The following TXNRD1 variants were observed in gnomAD, a reference collection of about 807,000 sequenced individuals.
TXNRD1 encodes thioredoxin reductase 1, also known as thioredoxin reductase 1, cytoplasmic.
TXNRD1 carries 57 observed loss-of-function variants against 80.3 expected under a neutral mutation model. The ratio of observed to expected loss-of-function variants is 0.71; its 90% CI spans 0.57 to 0.89. The LOEUF (loss-of-function observed/expected upper bound fraction) is 0.89, where lower values mean the gene tolerates loss of function less well. Among genes scored for constraint, TXNRD1 ranks in the 40% least tolerant of loss-of-function variants. The pLI is 0.00. For missense variants in TXNRD1, 730 were observed against 803.0 expected (o/e 0.91, Z 1.10); for synonymous variants, 291 against 285.2 (o/e 1.02, Z -0.20).
In TXNRD1 at chr12:104,287,563, A is replaced by G. The variant is rs991698429; in HGVS notation, c.305-1368A>G. 1.5e-5 allele frequency: 22 copies of G among 1,504,368 alleles called. 2 individuals carry two copies. The South Asian group carries it at 2.2e-4, about 15-fold the overall frequency. The allele number at this position is 1,504,368 out of a possible 1,614,324, so 93.2% of individuals were successfully genotyped here. On this transcript the variant is annotated intron_variant, in intron 3 of 16. Transcript: ENST00000525566. Reference sequence around the variant, plus strand: ...ATGCTTCTCTAGGAATTTTCACACCATTTAATCCTCAGAAATCCTGAGACG... The same window carrying G: ...ATGCTTCTCTAGGAATTTTCACACCGTTTAATCCTCAGAAATCCTGAGACG...
chr12:104,319,971 T>A (rs2035470507), intron 9 of TXNRD1, among the ~76,000 whole-genome samples: 1 of 152,188 alleles, frequency 6.6e-6, no homozygotes, highest in South Asian at 2.1e-4. Flanking sequence ...AAAATGAGGA[T>A]CATGTATTAC....
At chr12:104,248,429 C>T (rs2033038611) in intron 1 of TXNRD1, among the ~76,000 whole-genome samples, 1 of 152,102 alleles carries the variant, frequency 6.6e-6, no homozygotes, top group African/African-American at 2.4e-5. Context: ...GGATTACAGG[C>T]GCGTGCCACA....
At chr12:104,248,207 C>T (rs11111949) in intron 1 of TXNRD1, among the ~76,000 whole-genome samples, 7,435 of 152,136 alleles carry the variant, frequency 0.049, 483 homozygotes, top group African/African-American at 0.15. Flanking sequence ...TACCAGTGAA[C>T]ATTTAAAGTA....
At chr12:104,272,520 C>A (rs1215299540) in intron 3 of TXNRD1, among the ~76,000 whole-genome samples, 1 of 152,112 alleles carries the variant, frequency 6.6e-6, no homozygotes, top group Non-Finnish European at 1.5e-5. Context: ...AAAGTCCCGG[C>A]GCTGTGGCTC....
At chr12:104,245,280 G>T (rs548670435) in intron 1 of TXNRD1, among the ~76,000 whole-genome samples, 1 of 151,624 alleles carries the variant, frequency 6.6e-6, no homozygotes, top group Non-Finnish European at 1.5e-5. Flanking sequence ...GGGAGGCTGC[G>T]GCAGGCGGGT....
chr12:104,274,698 CAA>C (rs1225118527), intron 3 of TXNRD1, among the ~76,000 whole-genome samples: 1 of 135,430 alleles, frequency 7.4e-6, no homozygotes. Flanking sequence ...GACTCCATCT[CAA>C]AAAAAAAAAA....
At chr12:104,257,654 C>T (rs976136434) in intron 2 of TXNRD1, among the ~76,000 whole-genome samples, 9 of 152,128 alleles carry the variant, frequency 5.9e-5, no homozygotes, top group South Asian at 2.1e-4. Context: ...GGTGATCCAC[C>T]CGTCTCAGCC....
chr12:104,250,195 A>G (rs2033089626), intron 1 of TXNRD1, among the ~76,000 whole-genome samples: 1 of 152,176 alleles, frequency 6.6e-6, no homozygotes, highest in Admixed American at 6.5e-5. Context: ...CTGAGACAGC[A>G]GGTTATCCAC....
chr12:104,276,518 C>T (rs2033761298), intron 3 of TXNRD1: 1 of 152,206 alleles, frequency 6.6e-6, no homozygotes, highest in African/African-American at 2.4e-5. Flanking sequence ...GCAAATACTA[C>T]AAATCAGGGC....
In TXNRD1 at chr12:104,318,970, A is replaced by G. The variant is rs2135825517; in HGVS notation, c.788A>G (p.Asn263Ser). 3 of 1,613,986 alleles carry G rather than the reference A, an allele frequency of 1.9e-6. No homozygotes were observed. Among genetic ancestry groups the G allele is most frequent in the Non-Finnish European group, 2.5e-6 (3 of 1,179,876 alleles). Residue 263 changes from asparagine to serine, a missense_variant, in exon 8 of 17, where the codon AAT (asparagine) becomes AGT (serine). Physicochemically the swap from Asn to Ser is conservative, Grantham distance 46. Coordinates refer to ENST00000525566, the MANE Select transcript of TXNRD1 (RefSeq NM_001093771.3). ...GTACAGAATCACATTGGCTCTTTGA[A>G]TTGGGGCTACCGAGTAGCTCTGCGG... ...EAVQNHIGSL[N>S]WGYRVALREK...
rs566432551 is a variant in TXNRD1 at position 104,260,660 on chromosome 12, T to A, written c.304+2581T>A. Among the ~76,000 whole-genome samples the A allele has an allele frequency of 9.2e-5, 14 of 152,324 alleles. 1 individual carries two copies. Among genetic ancestry groups the A allele is most frequent in the African/African-American group, 3.4e-4 (14 of 41,578 alleles). On this transcript the variant is annotated intron_variant, in intron 3 of 16. Coordinates refer to ENST00000525566, the MANE Select transcript of TXNRD1 (RefSeq NM_001093771.3). ...CTTCATCAAGGAAGGCTCTTGCCCC[T>A]AAATACTCCATAGTATGAAAGGTAA...
chr12:104,315,558 T>A (rs2035295521), intron 6 of TXNRD1, among the ~76,000 whole-genome samples: 1 of 152,196 alleles, frequency 6.6e-6, no homozygotes, highest in Non-Finnish European at 1.5e-5. Context: ...AATCTGCCCC[T>A]CTTTTTGTTT....
intron 7 of TXNRD1, among the ~76,000 whole-genome samples, chr12:104,317,833 C>T (rs2035383667): frequency 6.6e-6 from 1 of 152,148 alleles, no homozygotes; most frequent in African/African-American, 2.4e-5. Context: ...GAGTGAGACC[C>T]TGTCTCTAAA....
intron 1 of TXNRD1, among the ~76,000 whole-genome samples, chr12:104,231,574 G>A (rs573441431): frequency 5.0e-4 from 76 of 152,292 alleles, no homozygotes; most frequent in Non-Finnish European, 8.7e-4. Context: ...CCATTTTTCC[G>A]TCAGCCTGTC....
At chr12:104,223,316 C>T (rs888867281) in intron 1 of TXNRD1, among the ~76,000 whole-genome samples, 2 of 152,168 alleles carry the variant, frequency 1.3e-5, no homozygotes, top group African/African-American at 4.8e-5. Flanking sequence ...GTCAATGTTT[C>T]ATTAAGTGCT....
At chr12:104,254,274 TTAAA>T (rs879662967) in intron 2 of TXNRD1, among the ~76,000 whole-genome samples, 3 of 152,174 alleles carry the variant, frequency 2.0e-5, no homozygotes, top group Non-Finnish European at 2.9e-5. Flanking sequence ...TCAGTGTTTG[TTAAA>T]TAAAAGAACT....
In TXNRD1 at chr12:104,228,820, C is replaced by T. The variant is rs569111677; in HGVS notation, c.91+12927C>T. On this transcript the variant is annotated intron_variant, in intron 1 of 16. Transcript: ENST00000525566. ...CTGCAACCTCCGCCTCCCGGGTTCACGCCATTCTCCTGCCTTAGCCTCCTG... is the reference window on the plus strand; with the variant it reads ...CTGCAACCTCCGCCTCCCGGGTTCATGCCATTCTCCTGCCTTAGCCTCCTG... 1.3e-3 allele frequency among the ~76,000 whole-genome samples: 196 copies of T among 151,696 alleles called. 3 individuals are homozygous for T. The highest frequency in any genetic ancestry group is 6.5e-4 in the African/African-American group (27 of 41,428).
chr12:104,276,738 G>A (rs1241908569), intron 3 of TXNRD1: 1 of 152,214 alleles, frequency 6.6e-6, no homozygotes, highest in East Asian at 1.9e-4. Context: ...AGAGTGAAGA[G>A]CATGCAGGCG....
At chr12:104,304,354 T>A in intron 4 of TXNRD1, 1 of 1,613,962 alleles carries the variant, frequency 6.2e-7, no homozygotes. Flanking sequence ...ACAAGTTGAG[T>A]GATTGTGATG....
Sources: allele counts gnomAD v4.1 joint callset (sites outside exome capture counted in the v4.1 genomes callset), GRCh38; gene constraint gnomAD v4.1.1; transcripts MANE v1.5; gene names NCBI Gene and HGNC (gene_info 2026-07-23, HGNC 2026-07-21).